The following APOOL variants were observed in gnomAD, a reference collection of about 807,000 sequenced individuals.
APOOL encodes the protein MICOS complex subunit MIC27.
In APOOL, 12 loss-of-function variants were observed where a neutral mutation model predicts 23.1. The ratio of observed to expected loss-of-function variants is 0.52; its 90% CI spans 0.33 to 0.84. The LOEUF is 0.84. Ranked by LOEUF, APOOL falls within the 40% of genes least tolerant of loss-of-function variation. The pLI, the probability that APOOL is intolerant of heterozygous loss-of-function variation, is 0.02. For missense variants in APOOL, 212 were observed against 199.6 expected (o/e 1.06, Z -0.37); for synonymous variants, 77 against 69.9 (o/e 1.10, Z -0.51).
At chrX:85,054,970 T>C (rs1327296895) in intron 4 of APOOL, among the ~76,000 whole-genome samples, 1 of 111,906 alleles carries the variant, frequency 8.9e-6, no homozygotes, top group Non-Finnish European at 1.9e-5. Context: ...CAATTATACT[T>C]GACTCTTTAG....
At chrX:85,046,194 G>C (rs1922568246) in intron 1 of APOOL, 1 of 237,404 alleles carries the variant, frequency 4.2e-6, no homozygotes, top group Non-Finnish European at 7.4e-6. Flanking sequence ...TAATATTCCA[G>C]ATAAATATTA....
intron 5 of APOOL, among the ~76,000 whole-genome samples, chrX:85,061,137 A>G (rs1923201746): frequency 9.0e-6 from 1 of 111,516 alleles, no homozygotes; most frequent in African/African-American, 3.3e-5. Context: ...TATTGAGATA[A>G]TCATGTGGTT....
rs1191455090 is a variant in APOOL, at chrX:85,089,703, T to A, written c.*2025T>A. ...GACCTTTATTTCTACTTACTAGTTA[T>A]ATTCACCTAACATCCCATAGATATG... On this transcript the variant is annotated 3_prime_UTR_variant, in exon 9 of 9. Transcript: ENST00000373173. 1 of 111,406 alleles carries A rather than the reference T, an allele frequency of 9.0e-6. No homozygotes were observed. The highest frequency in any genetic ancestry group is 9.6e-5 in the Admixed American group (1 of 10,408). The allele number at this position is 111,406 out of a possible 1,213,427, so 9.2% of individuals were successfully genotyped here.
chrX:85,069,795 C>T (rs974426745), intron 6 of APOOL, among the ~76,000 whole-genome samples: 7 of 109,831 alleles, frequency 6.4e-5, no homozygotes, highest in African/African-American at 2.0e-4. Flanking sequence ...CAGTTAAAAA[C>T]ATTAAAAAAA....
Position 85,092,639 on chromosome X carries a change from T to C in APOOL, c.*4961T>C, listed in dbSNP as rs781211117. ...GTTAACACATATATTTTATTGAAGGTCTACTCTATGCAAGACACTATGTGT... is the reference window on the plus strand; with the variant it reads ...GTTAACACATATATTTTATTGAAGGCCTACTCTATGCAAGACACTATGTGT... On this transcript the variant is annotated 3_prime_UTR_variant, in exon 9 of 9. Coordinates refer to ENST00000373173, the MANE Select transcript of APOOL (RefSeq NM_198450.6). 3.3e-4 allele frequency: 307 copies of C among 931,050 alleles called. No individual in the cohort carries two copies. The highest frequency in any genetic ancestry group is 4.4e-4 in the Non-Finnish European group (294 of 672,679). 76.7% of individuals were successfully genotyped at this position (931,050 alleles called of 1,213,427 possible).
In APOOL at chrX:85,088,456, A is replaced by C. The variant is rs1461015663; in HGVS notation, c.*778A>C. 9.7e-6 allele frequency: 1 copy of C among 103,298 alleles called. No homozygotes were observed. Among genetic ancestry groups the C allele is most frequent in the East Asian group, 3.1e-4 (1 of 3,254 alleles). The allele number at this position is 103,298 out of a possible 1,213,427, so 8.5% of individuals were successfully genotyped here. ...CTCTTAAATATCTAAAAACATCTCT[A>C]CCTATTTGAGAGGGCCATATGCTAC... On this transcript the variant is annotated 3_prime_UTR_variant, in exon 9 of 9. Coordinates refer to ENST00000373173, the MANE Select transcript of APOOL (RefSeq NM_198450.6).
In APOOL at chrX:85,091,602, A is replaced by G. The variant is rs1924518421; in HGVS notation, c.*3924A>G. 8.9e-6 allele frequency: 1 copy of G among 111,876 alleles called. No individual in the cohort carries two copies. The highest frequency in any genetic ancestry group is 1.9e-5 in the Non-Finnish European group (1 of 53,208). 9.2% of individuals were successfully genotyped at this position (111,876 alleles called of 1,213,427 possible). On this transcript the variant is annotated 3_prime_UTR_variant, in exon 9 of 9. Coordinates refer to ENST00000373173, the MANE Select transcript of APOOL (RefSeq NM_198450.6). ...ACAAAAGTTAGAATTATTTCAAAGG[A>G]CTTATACTCTACTAGGAAAGAGAGA...
chrX:85,062,294 A>G (rs1923259936), intron 5 of APOOL, among the ~76,000 whole-genome samples: 1 of 111,261 alleles, frequency 9.0e-6, no homozygotes, highest in African/African-American at 3.3e-5. Context: ...ATAGATTGCA[A>G]AAATTTTCTC....
chrX:85,036,360 A>G (rs1440653401), intron 1 of APOOL, among the ~76,000 whole-genome samples: 2 of 112,352 alleles, frequency 1.8e-5, no homozygotes, highest in East Asian at 5.6e-4. Flanking sequence ...GTTGTTTATT[A>G]GAACCACAAC....
intron 6 of APOOL, among the ~76,000 whole-genome samples, chrX:85,071,620 C>T (rs67673541): frequency 9.0e-6 from 1 of 110,876 alleles, no homozygotes; most frequent in African/African-American, 3.3e-5. Context: ...GAGATAGGAA[C>T]AGCTTTCTTA....
chrX:85,059,105 C>A (rs1317602789), intron 5 of APOOL, among the ~76,000 whole-genome samples: 3 of 99,979 alleles, frequency 3.0e-5, no homozygotes, highest in Non-Finnish European at 6.0e-5. Flanking sequence ...TCAATTCCCA[C>A]CTATGAGTGA....
chrX:85,083,131 C>G, intron 8 of APOOL, among the ~76,000 whole-genome samples: 1 of 111,181 alleles, frequency 9.0e-6, no homozygotes, highest in East Asian at 2.8e-4. Flanking sequence ...GCACCCCTGT[C>G]TGGTGCCCTT....
chrX:85,061,660 T>G (rs1923228883), intron 5 of APOOL, among the ~76,000 whole-genome samples: 1 of 111,935 alleles, frequency 8.9e-6, no homozygotes, highest in Non-Finnish European at 1.9e-5. Context: ...TTTTCTAGTT[T>G]ATTTGCATAG....
chrX:85,020,662 T>G lies in APOOL; in HGVS notation c.15+16735T>G, dbSNP rs1921631842. Among the ~76,000 whole-genome samples the G allele has an allele frequency of 2.7e-5, 3 of 111,565 alleles. No homozygotes were observed. In the South Asian group the frequency reaches 1.1e-3, roughly 42 times the overall value. ...TTCTGGACTGTCCTCAATGTTGAGC[T>G]GACCTCAGTGGTCTTAAGCTCTCGG... On this transcript the variant is annotated intron_variant, in intron 1 of 8. Transcript: ENST00000373173.
chrX:85,014,309 A>G (rs924285607), intron 1 of APOOL, among the ~76,000 whole-genome samples: 43 of 111,467 alleles, frequency 3.9e-4, no homozygotes, highest in African/African-American at 1.1e-3. Context: ...TAGGCCATTT[A>G]CTATCAGCGT....
chrX:85,034,177 TA>T (rs59806020), intron 1 of APOOL, among the ~76,000 whole-genome samples: 8,502 of 106,572 alleles, frequency 0.08, 779 homozygotes, highest in African/African-American at 0.26. Context: ...ATTTTCTAAA[TA>T]AAAAAAAAAT....
intron 8 of APOOL, among the ~76,000 whole-genome samples, chrX:85,086,655 C>T (rs1379626132): frequency 5.4e-5 from 6 of 111,699 alleles, no homozygotes; most frequent in African/African-American, 2.0e-4. Context: ...GGTCTCCCTG[C>T]TTCTATCCCT....
At chrX:85,051,636 T>A in intron 3 of APOOL, 128 bp downstream of exon 3, 4 of 902,688 alleles carry the variant, frequency 4.4e-6, no homozygotes, top group South Asian at 2.4e-5. Flanking sequence ...TTACATCTTA[T>A]GATTTTGTAA....
At chrX:85,063,073 C>T (rs777146613) in intron 5 of APOOL, among the ~76,000 whole-genome samples, 1 of 111,064 alleles carries the variant, frequency 9.0e-6, no homozygotes, top group African/African-American at 3.3e-5. Context: ...TGAAGAAGTC[C>T]GTAACTTCCC....
Sources: gnomAD v4.1 joint callset for allele counts (sites outside exome capture counted in the v4.1 genomes callset) on GRCh38, gnomAD v4.1.1 for gene constraint, MANE v1.5 for transcripts, NCBI Gene and HGNC (gene_info 2026-07-23, HGNC 2026-07-21) for gene names.